The following C12orf42 variants were observed in gnomAD, a reference collection of about 807,000 sequenced individuals.
The protein encoded by C12orf42 is chromosome 12 open reading frame 42, also known as uncharacterized protein C12orf42.
In C12orf42, 25 loss-of-function variants were observed where a neutral mutation model predicts 21.6. The observed-to-expected ratio is 1.16, with a 90% CI of 0.84 to 1.62. The LOEUF (loss-of-function observed/expected upper bound fraction) is 1.62. Among genes scored for constraint, C12orf42 ranks in the 40% most tolerant of loss-of-function variants. C12orf42 has a pLI of 0.00. For synonymous variants in C12orf42, 174 were observed against 175.0 expected, an observed-to-expected ratio of 0.99 and a Z score of 0.05; for missense variants, 483 against 459.3, an observed-to-expected ratio of 1.05 and a Z score of -0.47.
intron 3 of C12orf42, among the ~76,000 whole-genome samples, chr12:103,375,253 GA>G (rs2045596591): frequency 6.6e-6 from 1 of 152,112 alleles, no homozygotes; most frequent in South Asian, 2.1e-4. Flanking sequence ...AGTTATCCAA[GA>G]CCGATTTGAA....
At chr12:103,442,669 G>C (rs1225014839) in intron 2 of C12orf42, among the ~76,000 whole-genome samples, 1 of 152,044 alleles carries the variant, frequency 6.6e-6, no homozygotes, top group African/African-American at 2.4e-5. Context: ...TTTATGATCA[G>C]AACAATGTAG....
chr12:103,167,083 T>C, the C12orf42 span, among the ~76,000 whole-genome samples: 9,817 of 152,248 alleles, frequency 0.064, 364 homozygotes, highest in East Asian at 0.17. Context: ...TGTGTCACAT[T>C]ACATCTCAGA....
intron 2 of C12orf42, among the ~76,000 whole-genome samples, chr12:103,428,664 A>G (rs1033610246): frequency 7.2e-5 from 11 of 152,172 alleles, no homozygotes; most frequent in Non-Finnish European, 5.9e-5. Context: ...AGACACAACA[A>G]AAAAAGAAAA....
chr12:103,215,456 T>C, the C12orf42 span, among the ~76,000 whole-genome samples: 1 of 152,162 alleles, frequency 6.6e-6, no homozygotes, highest in Non-Finnish European at 1.5e-5. Flanking sequence ...ACCCCATCAC[T>C]TCTGTATCCC....
the C12orf42 span, among the ~76,000 whole-genome samples, chr12:103,152,918 C>A: frequency 6.6e-6 from 1 of 152,010 alleles, no homozygotes; most frequent in East Asian, 1.9e-4. Flanking sequence ...ATCAAATCCC[C>A]CACAAACTAA....
chr12:103,421,192 G>C (rs1481167185), intron 2 of C12orf42, among the ~76,000 whole-genome samples: 1 of 152,032 alleles, frequency 6.6e-6, no homozygotes, highest in Non-Finnish European at 1.5e-5. Flanking sequence ...AATGACAAGG[G>C]AGAAAAAATA....
intron 1 of C12orf42, among the ~76,000 whole-genome samples, chr12:103,493,327 G>C (rs148216583): frequency 5.3e-5 from 8 of 151,934 alleles, no homozygotes; most frequent in African/African-American, 1.9e-4. Context: ...CCACATCAGC[G>C]TTGCTTCAGT....
the C12orf42 span, among the ~76,000 whole-genome samples, chr12:103,069,446 T>C: frequency 1.3e-5 from 2 of 152,194 alleles, no homozygotes; most frequent in African/African-American, 4.8e-5. Flanking sequence ...ACCTTAAACA[T>C]GCTCAGAACA....
intron 2 of C12orf42, among the ~76,000 whole-genome samples, chr12:103,435,626 C>A (rs928851048): frequency 6.6e-6 from 1 of 151,746 alleles, no homozygotes; most frequent in African/African-American, 2.4e-5. Flanking sequence ...GGAGCCGATG[C>A]GATCAACTGG....
the C12orf42 span, among the ~76,000 whole-genome samples, chr12:103,066,886 G>A: frequency 1.3e-5 from 2 of 152,184 alleles, no homozygotes; most frequent in African/African-American, 4.8e-5. Context: ...GACCCATTCT[G>A]TGGGACACCA....
chr12:103,150,773 A>C, the C12orf42 span, among the ~76,000 whole-genome samples: 3 of 152,354 alleles, frequency 2.0e-5, no homozygotes, highest in African/African-American at 7.2e-5. Context: ...TGGAATGATC[A>C]GAATATTGTT....
At position 103,368,876 on chromosome 12, in the gene C12orf42, T is replaced by C. The variant is rs960056374; in HGVS notation, c.259+11A>G. 7.0e-7 allele frequency: 1 copy of C among 1,429,688 alleles called. No homozygotes were observed. Among genetic ancestry groups the C allele is most frequent in the South Asian group, 1.2e-5 (1 of 81,998 alleles). 88.6% of individuals were successfully genotyped at this position (1,429,688 alleles called of 1,614,324 possible). ...AACTCTGGTCTGTCTTGGGATTATG[T>C]CTTAATTTACCTGGAAAATTCAGAA... On this transcript the variant is annotated intron_variant, in intron 4 of 5. Coordinates refer to ENST00000548883, the MANE Select transcript of C12orf42 (RefSeq NM_198521.5).
At chr12:103,152,331 G>C in the C12orf42 span, among the ~76,000 whole-genome samples, 3 of 152,230 alleles carry the variant, frequency 2.0e-5, no homozygotes, top group African/African-American at 7.2e-5. Flanking sequence ...ATGGTAATTT[G>C]TTATGCAGCA....
chr12:103,255,021 A>G (rs776637735), intron 10 of C12orf42, among the ~76,000 whole-genome samples: 1 of 152,140 alleles, frequency 6.6e-6, no homozygotes, highest in African/African-American at 2.4e-5. Flanking sequence ...TATATTCATT[A>G]TATCAACTTT....
intron 2 of C12orf42, among the ~76,000 whole-genome samples, chr12:103,458,659 CAAG>C (rs1952477809): frequency 6.6e-6 from 1 of 152,152 alleles, no homozygotes; most frequent in South Asian, 2.1e-4. Flanking sequence ...TGTTTAAAAG[CAAG>C]AAGTTCTGTC....
intron 2 of C12orf42, among the ~76,000 whole-genome samples, chr12:103,454,646 C>A (rs1952169240): frequency 6.6e-6 from 1 of 152,112 alleles, no homozygotes; most frequent in African/African-American, 2.4e-5. Context: ...CTATCCCTAG[C>A]CCATTGGATG....
At chr12:103,180,615 C>CTTTTTTTT in the C12orf42 span, among the ~76,000 whole-genome samples, 112 of 61,988 alleles carry the variant, frequency 1.8e-3, 4 homozygotes, top group African/African-American at 6.8e-3. Context: ...AAATAATTTC[C>CTTTTTTTT]TTTTTTTTTT....
the C12orf42 span, among the ~76,000 whole-genome samples, chr12:103,068,934 C>CTCTCT: frequency 2.1e-5 from 1 of 48,146 alleles, no homozygotes; most frequent in African/African-American, 7.1e-5. Context: ...TCTCTCTCCA[C>CTCTCT]ATATATATAT....
At chr12:103,182,254 AATAT>A in the C12orf42 span, among the ~76,000 whole-genome samples, 1 of 152,144 alleles carries the variant, frequency 6.6e-6, no homozygotes, top group East Asian at 1.9e-4. Context: ...TCTTAAATAA[AATAT>A]ATACCAGAGC....
Sources: allele counts gnomAD v4.1 joint callset (sites outside exome capture counted in the v4.1 genomes callset), GRCh38; gene constraint gnomAD v4.1.1; transcripts MANE v1.5; gene names NCBI Gene and HGNC (gene_info 2026-07-23, HGNC 2026-07-21).